The following MAP3K9 variants were observed in gnomAD, a reference collection of about 807,000 sequenced individuals.
The protein encoded by MAP3K9 is mixed lineage kinase 1 (tyr and ser/thr specificity).
In MAP3K9, 46 loss-of-function variants were observed where a neutral mutation model predicts 95.8. The observed-to-expected ratio is 0.48, with a 90% confidence interval of 0.38 to 0.61. The LOEUF (loss-of-function observed/expected upper bound fraction) is 0.61. Ranked by LOEUF, MAP3K9 falls within the 20% of genes least tolerant of loss-of-function variation. The probability of loss-of-function intolerance (pLI) is 0.00; values close to 1 mark genes in which losing one functional copy is unlikely to be tolerated. For missense variants in MAP3K9, 1,296 were observed against 1,474.3 expected, an observed-to-expected ratio of 0.88 and a Z score of 1.98; for synonymous variants, 533 against 593.8, an observed-to-expected ratio of 0.90 and a Z score of 1.49.
chr14:70,756,337 G>A (rs902663681), intron 3 of MAP3K9, among the ~76,000 whole-genome samples: 1 of 152,184 alleles, frequency 6.6e-6, no homozygotes, highest in African/African-American at 2.4e-5. Context: ...TAGGCTGGGA[G>A]AAGAAACCTA....
chr14:70,783,325 G>C (rs1160914406), intron 2 of MAP3K9: 1 of 985,004 alleles, frequency 1.0e-6, no homozygotes, highest in Non-Finnish European at 1.2e-6. Context: ...TATTTTTCTT[G>C]AGCATCCAAA....
chr14:70,791,886 C>T (rs1381217293), intron 2 of MAP3K9, among the ~76,000 whole-genome samples: 3 of 152,194 alleles, frequency 2.0e-5, no homozygotes, highest in Non-Finnish European at 4.4e-5. Context: ...ATTCTTAACA[C>T]CAGGACTTAG....
chr14:70,791,919 A>G (rs959561265), intron 2 of MAP3K9, among the ~76,000 whole-genome samples: 8 of 152,174 alleles, frequency 5.3e-5, no homozygotes, highest in African/African-American at 1.4e-4. Context: ...AAGAAAACCA[A>G]CTTTGTGCAG....
chr14:70,748,809 G>GTT lies in MAP3K9; in HGVS notation c.1326+18_1326+19dup, dbSNP rs5809495. 16 of 1,573,496 alleles carry GTT rather than the reference G, an allele frequency of 1.0e-5. No homozygotes were observed. The highest frequency in any genetic ancestry group is 4.5e-5 in the East Asian group (2 of 44,492). On this transcript the variant is annotated intron_variant, in intron 5 of 11. Coordinates refer to ENST00000554752, the MANE Select transcript of MAP3K9 (RefSeq NM_001284230.2). ...TTTTCTTTTCGTTCGTTTTTTTGTT[G>GTT]TTTTTTTTGTTTTGTTTACCTTTTC...
At position 70,801,383 on chromosome 14, in the gene MAP3K9, G is replaced by A. The variant is rs529276502; in HGVS notation, c.407-303C>T. Among the ~76,000 whole-genome samples the A allele has an allele frequency of 7.9e-5, 12 of 152,270 alleles. 1 individual carries two copies. In the East Asian group the frequency reaches 1.4e-3, roughly 17 times the overall value. On this transcript the variant is annotated intron_variant, in intron 1 of 11. Transcript: ENST00000554752. ...AACTATTGTCACTAAAGGGAATATGGGAGAGGTCCTTTTTTTTCTTTTCTT... is the reference window on the plus strand; with the variant it reads ...AACTATTGTCACTAAAGGGAATATGAGAGAGGTCCTTTTTTTTCTTTTCTT...
At chr14:70,751,272 C>T (rs2054223633) in intron 3 of MAP3K9, among the ~76,000 whole-genome samples, 1 of 152,190 alleles carries the variant, frequency 6.6e-6, no homozygotes, top group Admixed American at 6.5e-5. Context: ...CACAATCACA[C>T]AGCACTCAGT....
At chr14:70,793,238 A>G (rs1221577777) in intron 2 of MAP3K9, among the ~76,000 whole-genome samples, 1 of 152,236 alleles carries the variant, frequency 6.6e-6, no homozygotes, top group African/African-American at 2.4e-5. Flanking sequence ...AGGGCTGGTG[A>G]TCAGGAAAAG....
chr14:70,784,514 G>A (rs2054723625), intron 2 of MAP3K9, among the ~76,000 whole-genome samples: 1 of 152,198 alleles, frequency 6.6e-6, no homozygotes, highest in African/African-American at 2.4e-5. Flanking sequence ...AGGCCGAGGT[G>A]GGCAGATCAC....
At chr14:70,765,370 A>G (rs1304862090) in intron 2 of MAP3K9, 8 of 487,692 alleles carry the variant, frequency 1.6e-5, no homozygotes, top group Non-Finnish European at 2.6e-5. Context: ...GCCTAAGTGT[A>G]CAGTGTTTAT....
chr14:70,732,572 A>C lies in MAP3K9; in HGVS notation c.2797T>G (p.Ser933Ala). 1 of 1,598,754 alleles carries C rather than the reference A, an allele frequency of 6.3e-7. No homozygotes were observed. Among genetic ancestry groups the C allele is most frequent in the Non-Finnish European group, 8.5e-7 (1 of 1,171,750 alleles). ...GGACTGGGGCTCAACCCATTGCTGGAGGGGCTCCTGCTGGCTAGGAGAGTC... is the reference window on the plus strand; with the variant it reads ...GGACTGGGGCTCAACCCATTGCTGGCGGGGCTCCTGCTGGCTAGGAGAGTC... ...PETLLASRSP[S>A]SNGLSPSPGA... Residue 933 changes from serine to alanine, a missense_variant, in exon 11 of 12, where the codon TCC (serine) becomes GCC (alanine). This residue lies in a region of MAP3K9 where 433 missense variants were observed against 441.4 expected (regional missense o/e 0.98). Transcript: ENST00000554752.
At chr14:70,735,058 C>T (rs546335551) in intron 9 of MAP3K9, among the ~76,000 whole-genome samples, 2 of 152,352 alleles carry the variant, frequency 1.3e-5, no homozygotes, top group South Asian at 4.1e-4. Context: ...CAAAGCTGCA[C>T]CAACCCAGTG....
intron 2 of MAP3K9, among the ~76,000 whole-genome samples, chr14:70,770,368 G>C (rs1431864204): frequency 1.3e-5 from 2 of 151,592 alleles, no homozygotes; most frequent in Non-Finnish European, 2.9e-5. Context: ...ATTTTTAGTA[G>C]AGACGGGGTT....
At chr14:70,747,631 C>T (rs1040289328) in intron 5 of MAP3K9, among the ~76,000 whole-genome samples, 3 of 152,258 alleles carry the variant, frequency 2.0e-5, no homozygotes, top group East Asian at 1.9e-4. Flanking sequence ...GTTGCTGACC[C>T]TCAGCTCTGA....
chr14:70,739,313 G>A (rs1421932720), intron 7 of MAP3K9, among the ~76,000 whole-genome samples: 4 of 152,024 alleles, frequency 2.6e-5, no homozygotes, highest in Non-Finnish European at 5.9e-5. Flanking sequence ...TGTATTTTTA[G>A]TAGAGGCGGG....
Position 70,792,356 on chromosome 14 carries a change from A to C in MAP3K9, c.820+8311T>G, listed in dbSNP as rs546405388. 5.1e-4 allele frequency among the ~76,000 whole-genome samples: 77 copies of C among 152,338 alleles called. 2 individuals are homozygous for C. The South Asian group carries it at 0.016, about 31-fold the overall frequency. On this transcript the variant is annotated intron_variant, in intron 2 of 11. Transcript: ENST00000554752. ...CAAAAACCACCAAAGGACCTGACTA[A>C]GGAAAAAAACAGGGAGTGAAATTCA... is the stretch of plus-strand genomic sequence containing the variant.
chr14:70,796,452 T>C (rs111950152), intron 2 of MAP3K9, among the ~76,000 whole-genome samples: 97 of 152,316 alleles, frequency 6.4e-4, no homozygotes, highest in African/African-American at 1.7e-3. Context: ...ATGCATGTCC[T>C]GCATTAAGAT....
At chr14:70,738,162 GAA>G in intron 8 of MAP3K9, 81 bp downstream of exon 8, 1 of 1,398,856 alleles carries the variant, frequency 7.1e-7, no homozygotes, top group African/African-American at 1.5e-5. Flanking sequence ...ACACGACAGA[GAA>G]AAAAAGTTAT....
chr14:70,783,924 T>G (rs1281302971), intron 2 of MAP3K9, among the ~76,000 whole-genome samples: 6 of 152,252 alleles, frequency 3.9e-5, no homozygotes, highest in Non-Finnish European at 8.8e-5. Flanking sequence ...TTAAAATTTT[T>G]TAAATTCCAT....
intron 2 of MAP3K9, among the ~76,000 whole-genome samples, chr14:70,775,432 G>A (rs2054585675): frequency 1.3e-5 from 2 of 152,104 alleles, no homozygotes; most frequent in African/African-American, 4.8e-5. Context: ...CCTCCATTTG[G>A]GGGTCAAATG....
Sources: allele counts gnomAD v4.1 joint callset (sites outside exome capture counted in the v4.1 genomes callset), GRCh38; gene constraint gnomAD v4.1.1; regional missense constraint gnomAD v4.1.1; transcripts MANE v1.5; gene names NCBI Gene and HGNC (gene_info 2026-07-23, HGNC 2026-07-21).